C1orf53: variants seen among roughly 807,000 people sequenced by gnomAD.
The protein encoded by C1orf53 is uncharacterized protein C1orf53.
C1orf53 carries 23 observed loss-of-function variants against 17.5 expected under a neutral mutation model. That is an observed-to-expected ratio of 1.31 (90% confidence interval 0.94 to 1.86). The LOEUF (loss-of-function observed/expected upper bound fraction) is 1.86, where lower values mean the gene tolerates loss of function less well. Ranked by LOEUF, C1orf53 falls within the 40% of genes most tolerant of loss-of-function variation. The probability of loss-of-function intolerance (pLI) is 0.00; values close to 1 mark genes in which losing one functional copy is unlikely to be tolerated. For synonymous variants in C1orf53, 108 were observed against 81.9 expected, an observed-to-expected ratio of 1.32 and a Z score of -1.72; for missense variants, 255 against 193.2, an observed-to-expected ratio of 1.32 and a Z score of -1.89.
In C1orf53 at chr1:197,905,760, G is replaced by A. The variant is rs1374837895; in HGVS notation, c.265-36G>A. 2.3e-6 allele frequency: 3 copies of A among 1,314,782 alleles called. No homozygotes were observed. In the African/African-American group the frequency reaches 4.4e-5, roughly 19 times the overall value. The allele number at this position is 1,314,782 out of a possible 1,614,324, so 81.4% of individuals were successfully genotyped here. On this transcript the variant is annotated intron_variant, in intron 1 of 2. Coordinates refer to ENST00000367393, the MANE Select transcript of C1orf53 (RefSeq NM_001024594.3). ...ATGGTGAAGAGATATGATGAATATT[G>A]AGATTAATGAATTGTTTCATTTTAT...
intron 1 of C1orf53, 130 bp downstream of exon 1, chr1:197,903,043 C>G: frequency 1.2e-6 from 1 of 852,908 alleles, no homozygotes; most frequent in South Asian, 3.7e-5. Flanking sequence ...CGGTGCGGTC[C>G]TGCCTCGGGC....
At position 197,902,868 on chromosome 1, in the gene C1orf53, C is replaced by G; in HGVS notation, c.219C>G (p.Thr73=). 2.6e-6 allele frequency: 4 copies of G among 1,520,612 alleles called. No homozygotes were observed. The highest frequency in any genetic ancestry group is 3.5e-6 in the Non-Finnish European group (4 of 1,139,790). 94.2% of individuals were successfully genotyped at this position (1,520,612 alleles called of 1,614,324 possible). Residue 73 remains threonine, a synonymous_variant, in exon 1 of 3, where the codon ACC becomes ACG. Transcript: ENST00000367393. ...GGCCTTCGGTGAGCGAAGAGTTAAC[C>G]GCGGCGGAGCGACAGATCGCGGAGC... ...AARPSVSEEL[T]AAERQIAELH... is the part of the protein sequence containing the mutation.
rs963575365 is a variant in C1orf53 at position 197,902,914 on chromosome 1, G to A, written c.264+1G>A. 2 of 1,457,122 alleles carry A rather than the reference G, an allele frequency of 1.4e-6. No homozygotes were observed. The highest frequency in any genetic ancestry group is 1.8e-6 in the Non-Finnish European group (2 of 1,107,506). 90.3% of individuals were successfully genotyped at this position (1,457,122 alleles called of 1,614,324 possible). On this transcript the variant is annotated splice_donor_variant, in intron 1 of 2. Coordinates refer to ENST00000367393, the MANE Select transcript of C1orf53 (RefSeq NM_001024594.3). LOFTEE classifies it high-confidence loss of function. ...GGAGCTGCACGCTGCCGCCTGCGCG[G>A]TGAGACTCCCTCCTGCCCGCCCCGC...
intron 1 of C1orf53, 76 bp downstream of exon 1, chr1:197,902,989 C>G: frequency 7.8e-7 from 1 of 1,274,156 alleles, no homozygotes; most frequent in Non-Finnish European, 1.0e-6. Flanking sequence ...CCGGGCCTCT[C>G]CGGACCCGGA....
chr1:197,906,889 AT>A (rs1170750473), intron 2 of C1orf53, among the ~76,000 whole-genome samples: 1 of 152,174 alleles, frequency 6.6e-6, no homozygotes, highest in Non-Finnish European at 1.5e-5. Flanking sequence ...TAAATTGAGG[AT>A]TTGAGGATTT....
In C1orf53 at chr1:197,903,030, T is replaced by G. The variant is rs535187680; in HGVS notation, c.264+117T>G. Reference sequence around the variant, plus strand: ...CCCGGCAGAGGCAAAGGTTGCTGGATACCGGTGCGGTCCTGCCTCGGGCGA... The same window carrying G: ...CCCGGCAGAGGCAAAGGTTGCTGGAGACCGGTGCGGTCCTGCCTCGGGCGA... On this transcript the variant is annotated intron_variant, in intron 1 of 2. Coordinates refer to ENST00000367393, the MANE Select transcript of C1orf53 (RefSeq NM_001024594.3). 3 of 990,850 alleles carry G rather than the reference T, an allele frequency of 3.0e-6. No individual in the cohort carries two copies. The East Asian group carries it at 1.0e-4, about 34-fold the overall frequency. The allele number at this position is 990,850 out of a possible 1,614,324, so 61.4% of individuals were successfully genotyped here.
chr1:197,907,083 A>T, intron 2 of C1orf53, 66 bp from the exon 3 acceptor site: 1 of 954,976 alleles, frequency 1.0e-6, no homozygotes, highest in Non-Finnish European at 1.6e-6. Flanking sequence ...TGTCACCATG[A>T]GAAGTGTGCT....
intron 1 of C1orf53, 102 bp downstream of exon 1, chr1:197,903,015 G>T: frequency 4.4e-6 from 5 of 1,127,098 alleles, no homozygotes; most frequent in Non-Finnish European, 5.7e-6. Flanking sequence ...CCCGGCAGAG[G>T]CAAAGGTTGC....
chr1:197,905,977 G>A (rs545490771), intron 2 of C1orf53, 80 bp downstream of exon 2: 122 of 1,111,894 alleles, frequency 1.1e-4, no homozygotes, highest in Non-Finnish European at 1.5e-4. Flanking sequence ...TGAACAACAA[G>A]TCAAATAAAA....
chr1:197,907,089 GTGCTTTTT>G, intron 2 of C1orf53, 52 bp from the exon 3 acceptor site: 1 of 1,024,490 alleles, frequency 9.8e-7, no homozygotes, highest in Non-Finnish European at 1.5e-6. Context: ...CATGAGAAGT[GTGCTTTTT>G]CAAGATGATT....
chr1:197,902,780 C>T lies in C1orf53; in HGVS notation c.131C>T (p.Ala44Val). ...CAGCTCAGCTTAACCCTCTGCCCTG[C>T]TAACGAGGGAAACTGCGGCGGCTCC... is the stretch of plus-strand genomic sequence containing the variant. ...RQQLSLTLCP[A>V]NEGNCGGSAP... The change falls in exon 1 of 3, where the codon GCT becomes GTT. Residue 44 changes from alanine to valine, a missense_variant. Physicochemically the swap from Ala to Val is moderately conservative, Grantham distance 64. Transcript: ENST00000367393. 1 of 1,579,994 alleles carries T rather than the reference C, an allele frequency of 6.3e-7. No homozygotes were observed. The highest frequency in any genetic ancestry group is 1.7e-5 in the Admixed American group (1 of 57,178).
In C1orf53 at chr1:197,902,785, G is replaced by A. The variant is rs202128014; in HGVS notation, c.136G>A (p.Glu46Lys). ...QLSLTLCPAN[E>K]GNCGGSAPST... Reference sequence around the variant, plus strand: ...CAGCTTAACCCTCTGCCCTGCTAACGAGGGAAACTGCGGCGGCTCCGCGCC... The same window carrying A: ...CAGCTTAACCCTCTGCCCTGCTAACAAGGGAAACTGCGGCGGCTCCGCGCC... Residue 46 changes from glutamate to lysine, a missense_variant, in exon 1 of 3, where the codon GAG (glutamate) becomes AAG (lysine). By Grantham distance (56) the Glu-to-Lys change is moderately conservative. Coordinates refer to ENST00000367393, the MANE Select transcript of C1orf53 (RefSeq NM_001024594.3). 4 of 1,581,380 alleles carry A rather than the reference G, an allele frequency of 2.5e-6. No homozygotes were observed. The highest frequency in any genetic ancestry group is 1.7e-5 in the Admixed American group (1 of 57,332).
At chr1:197,906,458 CTG>C (rs1659525812) in intron 2 of C1orf53, among the ~76,000 whole-genome samples, 1 of 150,648 alleles carries the variant, frequency 6.6e-6, no homozygotes, top group African/African-American at 2.4e-5. Flanking sequence ...CTTTTCCAGT[CTG>C]TGTTTGAAAT....
At chr1:197,904,781 CAT>C (rs1419824773) in intron 1 of C1orf53, among the ~76,000 whole-genome samples, 1 of 152,286 alleles carries the variant, frequency 6.6e-6, no homozygotes, top group East Asian at 1.9e-4. Flanking sequence ...TCTCATGAAA[CAT>C]ATTGGGTTAA....
intron 1 of C1orf53, among the ~76,000 whole-genome samples, chr1:197,903,190 C>G (rs1016649281): frequency 2.0e-5 from 3 of 152,180 alleles, no homozygotes; most frequent in Non-Finnish European, 4.4e-5. Context: ...CCCACTACCA[C>G]TCTTTTGTGG....
intron 1 of C1orf53, among the ~76,000 whole-genome samples, chr1:197,903,512 T>C (rs1659472469): frequency 6.6e-6 from 1 of 152,212 alleles, no homozygotes. Context: ...TATCTAAACT[T>C]CTCTCCCTTT....
Position 197,907,270 on chromosome 1 carries a change from A to AC in C1orf53, c.*50_*51insC. 4 of 1,087,166 alleles carry AC rather than the reference A, an allele frequency of 3.7e-6. No homozygotes were observed. Among genetic ancestry groups the AC allele is most frequent in the Non-Finnish European group, 5.5e-6 (4 of 731,610 alleles). The allele number at this position is 1,087,166 out of a possible 1,614,324, so 67.3% of individuals were successfully genotyped here. A position where few individuals can be genotyped will look rare whatever the true frequency, so the allele number is the denominator to read the frequency against. On this transcript the variant is annotated 3_prime_UTR_variant, in exon 3 of 3. Transcript: ENST00000367393. ...ACTGTGCTTGTATTTTTTAAAAAAT[A>AC]AAGCCCCAATTCAGAATTGCTGGAT...
At chr1:197,905,633 G>A (rs1380416928) in intron 1 of C1orf53, 163 bp from the exon 2 acceptor site, 9 of 591,604 alleles carry the variant, frequency 1.5e-5, no homozygotes, top group East Asian at 8.5e-5. Context: ...TGTGTATAAT[G>A]CTGGAGTGCA....
intron 2 of C1orf53, 106 bp downstream of exon 2, chr1:197,906,003 G>A: frequency 1.2e-6 from 1 of 852,712 alleles, no homozygotes; most frequent in South Asian, 1.5e-5. Context: ...AATAGACCTG[G>A]AGTGAACTTT....
Sources: gnomAD v4.1 joint callset for allele counts (sites outside exome capture counted in the v4.1 genomes callset) on GRCh38, gnomAD v4.1.1 for gene constraint, MANE v1.5 for transcripts, NCBI Gene and HGNC (gene_info 2026-07-23, HGNC 2026-07-21) for gene names.